Variants in NRXN1 observed in about 807,000 individuals in gnomAD.
NRXN1 encodes the protein neurexin-1.
Under a neutral mutation model 150.9 loss-of-function variants are expected in NRXN1, and 39 were observed. That is an observed-to-expected ratio of 0.26 (90% confidence interval 0.20 to 0.34). NRXN1 has a LOEUF of 0.34. NRXN1 is among the 10% of genes least tolerant of loss of function. The probability of loss-of-function intolerance (pLI) is 1.00; values close to 1 mark genes in which losing one functional copy is unlikely to be tolerated. For missense variants in NRXN1, 1,815 were observed against 1,949.9 expected (o/e 0.93, Z 1.30); for synonymous variants, 924 against 757.0 (o/e 1.22, Z -3.62).
In NRXN1 at chr2:50,794,697, A is replaced by C. The variant is rs112192187; in HGVS notation, c.832+127172T>G. ...AGATCTCATCTACCTCAGTGTATTTAAAGTATGCATATTTTTAAATAAATG... is the reference window on the plus strand; with the variant it reads ...AGATCTCATCTACCTCAGTGTATTTCAAGTATGCATATTTTTAAATAAATG... On this transcript the variant is annotated intron_variant, in intron 5 of 22. Coordinates refer to ENST00000401669, the MANE Select transcript of NRXN1 (RefSeq NM_001330078.2). 3.3e-3 allele frequency among the ~76,000 whole-genome samples: 501 copies of C among 152,292 alleles called. 6 individuals are homozygous for C. The highest frequency in any genetic ancestry group is 0.011 in the African/African-American group (472 of 41,576).
At chr2:50,770,073 A>G (rs1219409039) in intron 5 of NRXN1, among the ~76,000 whole-genome samples, 1 of 152,116 alleles carries the variant, frequency 6.6e-6, no homozygotes, top group Non-Finnish European at 1.5e-5. Context: ...TGCCATTAAC[A>G]GCTGCTTTGA....
intron 5 of NRXN1, among the ~76,000 whole-genome samples, chr2:50,832,822 A>G (rs922899099): frequency 2.0e-5 from 3 of 152,250 alleles, no homozygotes; most frequent in African/African-American, 7.2e-5. Flanking sequence ...ATAGTGAGAA[A>G]GCATGAGAAG....
chr2:50,856,378 C>A (rs1559357278), intron 5 of NRXN1, among the ~76,000 whole-genome samples: 1 of 152,034 alleles, frequency 6.6e-6, no homozygotes. Context: ...TGCTCAGCAG[C>A]TTGCAGCACT....
intron 3 of NRXN1, 139 bp from the exon 4 acceptor site, chr2:50,922,826 G>C: frequency 5.5e-6 from 5 of 914,498 alleles, no homozygotes; most frequent in Non-Finnish European, 8.8e-6. Flanking sequence ...AAATCAAAAA[G>C]CATTCTTTCA....
chr2:50,510,149 C>T (rs949665686), intron 12 of NRXN1, among the ~76,000 whole-genome samples: 1 of 151,996 alleles, frequency 6.6e-6, no homozygotes, highest in African/African-American at 2.4e-5. Flanking sequence ...TTGTAACAGC[C>T]CAAGAAGACT....
chr2:50,911,370 C>A (rs1395937213), intron 5 of NRXN1, among the ~76,000 whole-genome samples: 1 of 145,356 alleles, frequency 6.9e-6, no homozygotes, highest in Non-Finnish European at 1.5e-5. Context: ...ATCTTTCAAC[C>A]ACTTCCTTTA....
intron 5 of NRXN1, among the ~76,000 whole-genome samples, chr2:50,911,666 T>C (rs1684539651): frequency 1.3e-5 from 2 of 151,954 alleles, no homozygotes; most frequent in South Asian, 4.1e-4. Context: ...TATTTGCTGT[T>C]TAGCTTTTCC....
chr2:50,419,939 A>G (rs1023686920), intron 17 of NRXN1, among the ~76,000 whole-genome samples: 5 of 152,046 alleles, frequency 3.3e-5, no homozygotes, highest in African/African-American at 1.2e-4. Flanking sequence ...CACCAAATAC[A>G]TCTGAATGCA....
intron 5 of NRXN1, among the ~76,000 whole-genome samples, chr2:50,731,270 G>T (rs529282805): frequency 5.3e-5 from 8 of 152,104 alleles, no homozygotes; most frequent in South Asian, 4.1e-4. Context: ...GATCAAACTG[G>T]AATGACTTCT....
chr2:50,465,031 G>T (rs551467578), intron 17 of NRXN1, among the ~76,000 whole-genome samples: 1 of 151,706 alleles, frequency 6.6e-6, no homozygotes, highest in African/African-American at 2.4e-5. Flanking sequence ...AGAGATGTAC[G>T]CAGAGAGAAA....
At chr2:50,997,751 C>T (rs2105055108) in intron 2 of NRXN1, among the ~76,000 whole-genome samples, 1 of 141,398 alleles carries the variant, frequency 7.1e-6, no homozygotes, top group Non-Finnish European at 1.5e-5. Flanking sequence ...TTAAGCAATC[C>T]TCCCGCCTCC....
At chr2:50,817,435 T>A (rs1034422334) in intron 5 of NRXN1, among the ~76,000 whole-genome samples, 8 of 150,404 alleles carry the variant, frequency 5.3e-5, no homozygotes, top group Non-Finnish European at 8.9e-5. Flanking sequence ...TAAAAAAAAA[T>A]AGTGCTAATT....
At chr2:50,433,031 C>T (rs1222374150) in intron 17 of NRXN1, among the ~76,000 whole-genome samples, 1 of 152,114 alleles carries the variant, frequency 6.6e-6, no homozygotes, top group Admixed American at 6.5e-5. Flanking sequence ...GAAAGAATTT[C>T]CTCCTTAATA....
chr2:50,593,352 A>G (rs1453791064), intron 8 of NRXN1, among the ~76,000 whole-genome samples: 1 of 152,226 alleles, frequency 6.6e-6, no homozygotes, highest in Non-Finnish European at 1.5e-5. Context: ...ATCTAGTCCC[A>G]GCAGGGAACT....
chr2:50,549,919 T>TACACATATACATGTAGAGAGAGACATGC (rs1233741336), intron 9 of NRXN1, among the ~76,000 whole-genome samples: 2 of 152,120 alleles, frequency 1.3e-5, no homozygotes, highest in Non-Finnish European at 2.9e-5. Context: ...TACATACATA[T>TACACATATACATGTAGAGAGAGACATGC]ACACATATAC....
Position 50,354,550 on chromosome 2 carries a change from C to CATAT in NRXN1, c.3364+110891_3364+110892insATAT, listed in dbSNP as rs1420237558. Among the ~76,000 whole-genome samples, 14 of 66,252 alleles carry CATAT rather than the reference C, an allele frequency of 2.1e-4. No individual in the cohort carries two copies. The East Asian group carries it at 4.0e-3, about 19-fold the overall frequency. 43.5% of individuals were successfully genotyped at this position (66,252 alleles called of 152,430 possible). Reference sequence around the variant, plus strand: ...ATACACTACCTTAGCGTCTAGAGTGCATACATATATATATATATATATATA... The same window carrying CATAT: ...ATACACTACCTTAGCGTCTAGAGTGCATATATACATATATATATATATATATATA... On this transcript the variant is annotated intron_variant, in intron 17 of 22. Coordinates refer to ENST00000401669, the MANE Select transcript of NRXN1 (RefSeq NM_001330078.2).
At chr2:50,115,240 T>TATATATATATATATATATAC (rs1270800103) in intron 18 of NRXN1, among the ~76,000 whole-genome samples, 35 of 133,948 alleles carry the variant, frequency 2.6e-4, no homozygotes, top group African/African-American at 9.4e-4. Flanking sequence ...TATATATATA[T>TATATATATATATATATATAC]ACACACACAC....
At position 50,230,689 on chromosome 2, in the gene NRXN1, G is replaced by A. The variant is rs2064856567; in HGVS notation, c.3546+6100C>T. 2.6e-5 allele frequency among the ~76,000 whole-genome samples: 4 copies of A among 152,034 alleles called. No homozygotes were observed. The South Asian group carries it at 8.3e-4, about 32-fold the overall frequency. ...AATTTCAGATGAGGAAATAACTCTAGAATTCTAGAAACCAAAAACATAGAG... is the reference window on the plus strand; with the variant it reads ...AATTTCAGATGAGGAAATAACTCTAAAATTCTAGAAACCAAAAACATAGAG... On this transcript the variant is annotated intron_variant, in intron 18 of 22. Transcript: ENST00000401669.
At chr2:50,038,797 T>A (rs1413633948) in intron 21 of NRXN1, among the ~76,000 whole-genome samples, 1 of 14,110 alleles carries the variant, frequency 7.1e-5, no homozygotes, top group African/African-American at 2.7e-4. Context: ...CTTCCCACCC[T>A]CCCTCCCTCC....
Sources: gnomAD v4.1 joint callset for allele counts (sites outside exome capture counted in the v4.1 genomes callset) on GRCh38, gnomAD v4.1.1 for gene constraint, MANE v1.5 for transcripts, NCBI Gene and HGNC (gene_info 2026-07-23, HGNC 2026-07-21) for gene names.